The following GPC5 variants were observed in gnomAD, a reference collection of about 807,000 sequenced individuals.
GPC5 encodes the protein glypican 5, also known as glypican-5.
A neutral mutation model predicts 53.9 loss-of-function variants in GPC5; 47 were observed. That is an observed-to-expected ratio of 0.87 (90% confidence interval 0.69 to 1.11). The LOEUF is 1.11. Ranked by LOEUF, GPC5 falls within the 50% of genes most tolerant of loss-of-function variation. GPC5 has a pLI of 0.00. For missense variants in GPC5, 748 were observed against 713.1 expected (o/e 1.05, Z -0.56); for synonymous variants, 286 against 263.3 (o/e 1.09, Z -0.84).
intron 7 of GPC5, among the ~76,000 whole-genome samples, chr13:92,403,107 C>G (rs939173480): frequency 2.0e-5 from 3 of 152,274 alleles, no homozygotes; most frequent in African/African-American, 7.2e-5. Flanking sequence ...GCTATATTCT[C>G]ATATTCAACT....
intron 7 of GPC5, among the ~76,000 whole-genome samples, chr13:92,437,176 C>CT (rs58591693): frequency 0.3 from 45,051 of 151,878 alleles, 7,666 homozygotes; most frequent in East Asian, 0.61. Context: ...AACAAGAAAA[C>CT]TAAGACAGTC....
At chr13:91,752,050 C>G (rs1210207816) in intron 4 of GPC5, among the ~76,000 whole-genome samples, 8 of 152,158 alleles carry the variant, frequency 5.3e-5, no homozygotes, top group Non-Finnish European at 7.3e-5. Flanking sequence ...AGGCTTCTCT[C>G]CTTGGCTTGC....
At chr13:92,537,687 C>A (rs1594286412) in intron 7 of GPC5, among the ~76,000 whole-genome samples, 1 of 152,070 alleles carries the variant, frequency 6.6e-6, no homozygotes, top group South Asian at 2.1e-4. Flanking sequence ...ATGTCAAAAT[C>A]CTGCCAGCCT....
At chr13:92,123,854 TG>T (rs2041671258) in intron 6 of GPC5, among the ~76,000 whole-genome samples, 1 of 152,204 alleles carries the variant, frequency 6.6e-6, no homozygotes, top group Non-Finnish European at 1.5e-5. Context: ...TTCTTAATTT[TG>T]TATTGAATAA....
At chr13:91,855,322 C>T (rs939102722) in intron 5 of GPC5, among the ~76,000 whole-genome samples, 11 of 151,660 alleles carry the variant, frequency 7.3e-5, no homozygotes, top group African/African-American at 1.4e-4. Context: ...ATCTAAGCAA[C>T]GAAATTTTGT....
At chr13:91,799,263 T>TA (rs998507455) in intron 5 of GPC5, among the ~76,000 whole-genome samples, 1 of 152,174 alleles carries the variant, frequency 6.6e-6, no homozygotes, top group Non-Finnish European at 1.5e-5. Context: ...TTCTCACTTA[T>TA]AAATGGAAGC....
At chr13:91,931,110 A>G (rs527465822) in intron 6 of GPC5, among the ~76,000 whole-genome samples, 1 of 152,140 alleles carries the variant, frequency 6.6e-6, no homozygotes, top group East Asian at 1.9e-4. Context: ...TTACTCCTTC[A>G]TATGATTTTC....
intron 2 of GPC5, among the ~76,000 whole-genome samples, chr13:91,539,732 T>A (rs1445828685): frequency 6.6e-6 from 1 of 152,156 alleles, no homozygotes; most frequent in Non-Finnish European, 1.5e-5. Flanking sequence ...GAAATGAGGA[T>A]GTATACTTTA....
chr13:91,733,422 C>T lies in GPC5; in HGVS notation c.1154+4757C>T, dbSNP rs980047166. Among the ~76,000 whole-genome samples the T allele has an allele frequency of 2.1e-4, 32 of 152,230 alleles. 1 individual carries two copies. Among genetic ancestry groups the T allele is most frequent in the Admixed American group, 9.2e-4 (14 of 15,284 alleles). On this transcript the variant is annotated intron_variant, in intron 4 of 7. Transcript: ENST00000377067. Reference sequence around the variant, plus strand: ...TGCAGGGATTACAGGCGTCAGCCACCGGGCATGGCCTGCTATATTGATTTT... The same window carrying T: ...TGCAGGGATTACAGGCGTCAGCCACTGGGCATGGCCTGCTATATTGATTTT...
chr13:92,467,346 C>A (rs1220852019), intron 7 of GPC5, among the ~76,000 whole-genome samples: 1 of 152,094 alleles, frequency 6.6e-6, no homozygotes, highest in African/African-American at 2.4e-5. Flanking sequence ...AATAATCAAA[C>A]TGGAAATCTA....
intron 7 of GPC5, among the ~76,000 whole-genome samples, chr13:92,375,639 A>G (rs749149278): frequency 3.9e-5 from 6 of 152,124 alleles, no homozygotes; most frequent in Admixed American, 6.5e-5. Context: ...GGCTTACTCA[A>G]TTGTGGATTC....
At chr13:92,384,042 T>C (rs1381266716) in intron 7 of GPC5, among the ~76,000 whole-genome samples, 6 of 152,108 alleles carry the variant, frequency 3.9e-5, no homozygotes, top group Non-Finnish European at 8.8e-5. Flanking sequence ...ATACAGGATT[T>C]AGTGCAGCAA....
intron 2 of GPC5, among the ~76,000 whole-genome samples, chr13:91,475,466 C>T (rs1882874395): frequency 6.6e-6 from 1 of 152,162 alleles, no homozygotes. Flanking sequence ...GTTTATTGGT[C>T]AATTATCACT....
chr13:92,066,243 G>GT (rs1321712548), intron 6 of GPC5, among the ~76,000 whole-genome samples: 1 of 151,992 alleles, frequency 6.6e-6, no homozygotes, highest in Non-Finnish European at 1.5e-5. Flanking sequence ...GCTAATCACT[G>GT]TATCTTTACT....
At chr13:91,915,397 T>C (rs1023122433) in intron 6 of GPC5, among the ~76,000 whole-genome samples, 1 of 152,114 alleles carries the variant, frequency 6.6e-6, no homozygotes, top group Non-Finnish European at 1.5e-5. Context: ...CAGTGTACAA[T>C]CAACTGGAAA....
At chr13:92,062,968 G>A (rs547805918) in intron 6 of GPC5, among the ~76,000 whole-genome samples, 144 of 151,982 alleles carry the variant, frequency 9.5e-4, no homozygotes, top group Non-Finnish European at 1.3e-3. Context: ...ATGATTTTTC[G>A]TAAGGGCTTT....
chr13:91,539,305 TG>T (rs1028217902), intron 2 of GPC5, among the ~76,000 whole-genome samples: 2 of 151,868 alleles, frequency 1.3e-5, no homozygotes, highest in African/African-American at 4.9e-5. Context: ...AAAAAGTGAG[TG>T]GGGAAATTAT....
rs529952071 is a variant in GPC5, at chr13:92,283,975, C to T, written c.1561+138986C>T. Reference sequence around the variant, plus strand: ...GGATCTGGTTTTTTGAAAAGATCAACAAAATTGATAGACCGCTAGCAAGAC... The same window carrying T: ...GGATCTGGTTTTTTGAAAAGATCAATAAAATTGATAGACCGCTAGCAAGAC... On this transcript the variant is annotated intron_variant, in intron 7 of 7. Coordinates refer to ENST00000377067, the MANE Select transcript of GPC5 (RefSeq NM_004466.6). Among the ~76,000 whole-genome samples, 4 of 152,158 alleles carry T rather than the reference C, an allele frequency of 2.6e-5. No individual in the cohort carries two copies. In the East Asian group the frequency reaches 7.7e-4, roughly 29 times the overall value.
chr13:92,733,342 G>A (rs950809953), intron 7 of GPC5, among the ~76,000 whole-genome samples: 10 of 151,574 alleles, frequency 6.6e-5, no homozygotes, highest in Non-Finnish European at 1.3e-4. Flanking sequence ...TTGTATTTAA[G>A]GAGATTGAGT....
Sources: gnomAD v4.1 joint callset for allele counts (sites outside exome capture counted in the v4.1 genomes callset) on GRCh38, gnomAD v4.1.1 for gene constraint, MANE v1.5 for transcripts, NCBI Gene and HGNC (gene_info 2026-07-23, HGNC 2026-07-21) for gene names.